Variants in TENM3 observed in about 807,000 individuals in gnomAD.
The protein encoded by TENM3 is teneurin transmembrane protein 3, also known as teneurin-3.
TENM3 carries 63 observed loss-of-function variants against 255.1 expected under a neutral mutation model. The ratio of observed to expected loss-of-function variants is 0.25; its 90% confidence interval spans 0.20 to 0.30. TENM3 has a LOEUF of 0.30. TENM3 is among the 10% of genes least tolerant of loss of function. TENM3 has a pLI of 1.00. For missense variants in TENM3, 2,929 were observed against 3,461.1 expected (o/e 0.85, Z 3.86); for synonymous variants, 1,306 against 1,322.3 (o/e 0.99, Z 0.27).
the TENM3 span, among the ~76,000 whole-genome samples, chr4:181,868,616 G>A: frequency 6.0e-4 from 92 of 152,236 alleles, 1 homozygote; most frequent in East Asian, 0.013. Context: ...TATTCATCAC[G>A]TCAAATGTTT....
intron 3 of TENM3, among the ~76,000 whole-genome samples, chr4:182,467,135 C>T (rs1732673793): frequency 6.6e-6 from 1 of 152,100 alleles, no homozygotes; most frequent in Non-Finnish European, 1.5e-5. Context: ...GACTGCCATA[C>T]TCTAGTTGTG....
At chr4:182,781,576 G>C (rs1765170410) in intron 24 of TENM3, among the ~76,000 whole-genome samples, 1 of 152,058 alleles carries the variant, frequency 6.6e-6, no homozygotes, top group Non-Finnish European at 1.5e-5. Flanking sequence ...CATAAAATGA[G>C]TTAGGGAGGA....
At chr4:181,741,707 A>G in the TENM3 span, among the ~76,000 whole-genome samples, 1 of 152,168 alleles carries the variant, frequency 6.6e-6, no homozygotes, top group Admixed American at 6.6e-5. Context: ...AATGGGGCCT[A>G]GTCAGCACTA....
intron 12 of TENM3, among the ~76,000 whole-genome samples, chr4:182,696,006 A>T (rs377399078): frequency 6.6e-6 from 1 of 152,192 alleles, no homozygotes; most frequent in African/African-American, 2.4e-5. Flanking sequence ...ACTGAATCAC[A>T]TGAGTGCACC....
intron 1 of TENM3, among the ~76,000 whole-genome samples, chr4:182,217,597 G>T (rs1194284462): frequency 6.6e-6 from 1 of 152,148 alleles, no homozygotes; most frequent in East Asian, 1.9e-4. Flanking sequence ...CCTTCTGTGA[G>T]ATGGGTAACA....
chr4:182,152,234 C>A (rs368868069), intron 1 of TENM3, among the ~76,000 whole-genome samples: 4 of 151,816 alleles, frequency 2.6e-5, no homozygotes. Context: ...AGGATGTTAT[C>A]CCTCAAATTT....
In TENM3 at chr4:182,203,052, C is replaced by CA. The variant is rs1173451029; in HGVS notation, c.-76+58305dup. On this transcript the variant is annotated intron_variant, in intron 1 of 2. Coordinates refer to the TENM3 transcript ENST00000512480. Reference sequence around the variant, plus strand: ...CCAACATGGTGAAACCCTGTCTCTACAAAAAAATCCAAAAATTAGCCAGGC... The same window carrying CA: ...CCAACATGGTGAAACCCTGTCTCTACAAAAAAAATCCAAAAATTAGCCAGGC... 2.6e-5 allele frequency among the ~76,000 whole-genome samples: 4 copies of CA among 151,806 alleles called. 1 individual carries two copies. The highest frequency in any genetic ancestry group is 9.7e-5 in the African/African-American group (4 of 41,402).
In TENM3 at chr4:182,754,746, A is replaced by G; in HGVS notation, c.4379A>G (p.Gln1460Arg). Residue 1460 changes from glutamine (Q) to arginine (R), a missense_variant, in exon 22 of 28, where the codon CAG becomes CGG. Physicochemically the swap from Gln to Arg is conservative, Grantham distance 43. Coordinates refer to ENST00000511685, the MANE Select transcript of TENM3 (RefSeq NM_001080477.4). The surrounding 1 kb of genome is among the most constrained non-coding windows in gnomAD (Gnocchi z 5.1). ...AATGATGCCAACTGTGACTGTTACC[A>G]GAGTGGAGATGGCTACGCCAAGGAT... Reference protein sequence around the residue: ...CKNDANCDCYQSGDGYAKDAK... With the variant: ...CKNDANCDCYRSGDGYAKDAK... 1 of 1,614,076 alleles carries G rather than the reference A, an allele frequency of 6.2e-7. No homozygotes were observed. The highest frequency in any genetic ancestry group is 8.5e-7 in the Non-Finnish European group (1 of 1,179,906).
chr4:181,956,053 A>G, the TENM3 span, among the ~76,000 whole-genome samples: 1 of 152,294 alleles, frequency 6.6e-6, no homozygotes, highest in African/African-American at 2.4e-5. Flanking sequence ...GAAGTCCACA[A>G]TCAAGGCAGA....
At chr4:182,326,321 G>C (rs1763404958) in intron 2 of TENM3, among the ~76,000 whole-genome samples, 1 of 152,108 alleles carries the variant, frequency 6.6e-6, no homozygotes, top group Non-Finnish European at 1.5e-5. Context: ...GGTGGGTCCC[G>C]GTAGCGTAGT....
Position 182,751,949 on chromosome 4 carries a change from CAG to C in TENM3, c.3780_3781del (p.Glu1262AlafsTer6), listed in dbSNP as rs1561199610. 1 of 1,613,582 alleles carries C rather than the reference CAG, an allele frequency of 6.2e-7. No individual in the cohort carries two copies. ...AAAAATGCAGAAGTCGTCGCAGGGA[CAG>C]GGGAGCAATGCCTTCCGTTTGACGA... On this transcript the variant is annotated frameshift_variant, in exon 20 of 28. Coordinates refer to ENST00000511685, the MANE Select transcript of TENM3 (RefSeq NM_001080477.4). LOFTEE classifies it high-confidence loss of function.
chr4:182,048,026 A>G, the TENM3 span, among the ~76,000 whole-genome samples: 8 of 152,228 alleles, frequency 5.3e-5, no homozygotes, highest in South Asian at 1.7e-3. Flanking sequence ...GATATTACCT[A>G]AATAAACCTC....
intron 3 of TENM3, among the ~76,000 whole-genome samples, chr4:182,399,007 C>T (rs946377446): frequency 6.6e-6 from 1 of 152,186 alleles, no homozygotes; most frequent in South Asian, 2.1e-4. Context: ...TATGCACAGT[C>T]CCGAACTCGG....
At chr4:182,735,949 A>G (rs1483418182) in intron 16 of TENM3, among the ~76,000 whole-genome samples, 1 of 152,152 alleles carries the variant, frequency 6.6e-6, no homozygotes, top group Non-Finnish European at 1.5e-5. Context: ...AAAGGAGATA[A>G]TTCTTATGCA....
chr4:181,568,363 T>C, the TENM3 span, among the ~76,000 whole-genome samples: 2 of 152,002 alleles, frequency 1.3e-5, no homozygotes, highest in African/African-American at 2.4e-5. Flanking sequence ...TGTTTTACTA[T>C]GTATTTTTAG....
chr4:181,622,462 G>T, the TENM3 span, among the ~76,000 whole-genome samples: 1 of 152,098 alleles, frequency 6.6e-6, no homozygotes, highest in African/African-American at 2.4e-5. Context: ...AATCACCTGA[G>T]GTCAGGAGTT....
At chr4:181,636,723 A>G in the TENM3 span, among the ~76,000 whole-genome samples, 2 of 152,150 alleles carry the variant, frequency 1.3e-5, no homozygotes, top group African/African-American at 4.8e-5. Flanking sequence ...GCATCTTAAC[A>G]GTTCTTCTTT....
At chr4:182,013,975 T>C in the TENM3 span, among the ~76,000 whole-genome samples, 26 of 113,684 alleles carry the variant, frequency 2.3e-4, no homozygotes, top group African/African-American at 8.5e-4. Context: ...TACGTATATA[T>C]ACGTGTATAT....
intron 22 of TENM3, among the ~76,000 whole-genome samples, chr4:182,770,423 C>T (rs1036916744): frequency 1.3e-5 from 2 of 152,156 alleles, no homozygotes; most frequent in African/African-American, 4.8e-5. Context: ...CACTGTGCCT[C>T]AGCCGGGCCC....
Sources: gnomAD v4.1 joint callset for allele counts (sites outside exome capture counted in the v4.1 genomes callset) on GRCh38, gnomAD v4.1.1 for gene constraint, Gnocchi (gnomAD v3.1) non-coding constraint, MANE v1.5 for transcripts, NCBI Gene and HGNC (gene_info 2026-07-23, HGNC 2026-07-21) for gene names.